The following CPSF6 variants were observed in gnomAD, a reference collection of about 807,000 sequenced individuals.
CPSF6 encodes the protein cleavage and polyadenylation specific factor 6.
Under a neutral mutation model 56.7 loss-of-function variants are expected in CPSF6, and 10 were observed. The observed-to-expected ratio is 0.18, with a 90% CI of 0.11 to 0.30. The LOEUF (loss-of-function observed/expected upper bound fraction) is 0.30. CPSF6 is among the 10% of genes least tolerant of loss of function. The pLI is 1.00. For synonymous variants in CPSF6, 248 were observed against 244.8 expected, an observed-to-expected ratio of 1.01 and a Z score of -0.12; for missense variants, 419 against 722.9, an observed-to-expected ratio of 0.58 and a Z score of 4.82.
rs1255354723 is a variant in CPSF6, at chr12:69,258,339, C to G, written c.695-251C>G. The G allele has an allele frequency of 3.1e-5, 18 of 589,892 alleles. No individual in the cohort carries two copies. The Admixed American group carries it at 5.8e-4, about 19-fold the overall frequency. 36.5% of individuals were successfully genotyped at this position (589,892 alleles called of 1,614,324 possible). On this transcript the variant is annotated intron_variant, in intron 5 of 9. Coordinates refer to ENST00000435070, the MANE Select transcript of CPSF6 (RefSeq NM_007007.3). This position sits in a 1 kb window ranked among gnomAD's most constrained non-coding sequence, Gnocchi z 4.2. ...GTACACGGAAAGATGGAAAATATCT[C>G]TAGGCATTGTAATATTTTTTTATTA...
At chr12:69,251,905 TTAA>T (rs1485340038) in intron 2 of CPSF6, among the ~76,000 whole-genome samples, 1 of 152,224 alleles carries the variant, frequency 6.6e-6, no homozygotes, top group African/African-American at 2.4e-5. Context: ...TTATTTTTTA[TTAA>T]TATTACATCT....
rs1466315905 is a variant in CPSF6 at position 69,257,784 on chromosome 12, C to G, written c.573C>G (p.Gly191=). Residue 191 remains glycine (G), a synonymous_variant, in exon 5 of 10, where the codon GGC becomes GGG. Coordinates refer to ENST00000435070, the MANE Select transcript of CPSF6 (RefSeq NM_007007.3). ...AAGGTAAAGCTGGTCCTCCAGGAGG[C>G]AGTTCCCGTGCAGCATTTCCACAAG... The part of the protein sequence containing the change: ...SGEGKAGPPG[G]SSRAAFPQGG... The G allele has an allele frequency of 6.2e-7, 1 of 1,613,092 alleles. No homozygotes were observed. The highest frequency in any genetic ancestry group is 8.5e-7 in the Non-Finnish European group (1 of 1,179,850).
chr12:69,250,603 A>C (rs867175040), intron 1 of CPSF6, among the ~76,000 whole-genome samples: 1 of 108,332 alleles, frequency 9.2e-6, no homozygotes, highest in Non-Finnish European at 2.0e-5. Context: ...AAAAAAAAAA[A>C]AAAAGAAAAA....
intron 1 of CPSF6, 21 bp from the exon 2 acceptor site, chr12:69,251,108 A>G: frequency 1.2e-6 from 2 of 1,600,398 alleles, no homozygotes; most frequent in Non-Finnish European, 1.7e-6. Flanking sequence ...TATAATCTAG[A>G]GCATTATTTC....
intron 9 of CPSF6, among the ~76,000 whole-genome samples, chr12:69,267,267 C>T (rs1310832432): frequency 6.6e-6 from 1 of 151,932 alleles, no homozygotes; most frequent in Non-Finnish European, 1.5e-5. Flanking sequence ...AAATTTCTAA[C>T]AGAAACAGTT....
intron 3 of CPSF6, among the ~76,000 whole-genome samples, chr12:69,254,624 A>G (rs1872418675): frequency 6.6e-6 from 1 of 152,220 alleles, no homozygotes; most frequent in African/African-American, 2.4e-5. Flanking sequence ...CTAGAATGGT[A>G]CCTTGCGTAT....
At chr12:69,247,091 TGATATTAAAATTGTAAGAGGG>T (rs1871948778) in intron 1 of CPSF6, among the ~76,000 whole-genome samples, 1 of 150,640 alleles carries the variant, frequency 6.6e-6, no homozygotes, top group East Asian at 2.0e-4. Flanking sequence ...CGTATATCTG[TGATATTAAAATTGTAAGAGGG>T]GTAATTAGGG....
Position 69,248,505 on chromosome 12 carries a change from T to A in CPSF6, c.61-2624T>A, listed in dbSNP as rs147967853. ...TAGTATCTTAAGTGCATGGAACTAC[T>A]GCTGCAGCCACACCGCCTGAAGCTT... On this transcript the variant is annotated intron_variant, in intron 1 of 9. Transcript: ENST00000435070. Among the ~76,000 whole-genome samples, 562 of 152,354 alleles carry A rather than the reference T, an allele frequency of 3.7e-3. 8 individuals carry two copies. Among genetic ancestry groups the A allele is most frequent in the African/African-American group, 0.013 (537 of 41,588 alleles).
Position 69,251,279 on chromosome 12 carries a change from A to G in CPSF6, c.211A>G (p.Asn71Asp), listed in dbSNP as rs201287830. 1 of 1,607,064 alleles carries G rather than the reference A, an allele frequency of 6.2e-7. No homozygotes were observed. The highest frequency in any genetic ancestry group is 1.3e-5 in the African/African-American group (1 of 74,766). ...GDDVGKGAAP[N>D]VVYTYTGKRI... ...TGATGTGGGTAAAGGAGCAGCACCA[A>G]ATGTTGTCTATACATATACTGGAAA... Residue 71 changes from asparagine to aspartate, a missense_variant, in exon 2 of 10, where the codon AAT (asparagine) becomes GAT (aspartate). This residue lies in a region of CPSF6 where 125 missense variants were observed against 216.4 expected (regional missense o/e 0.58). Coordinates refer to ENST00000435070, the MANE Select transcript of CPSF6 (RefSeq NM_007007.3).
intron 8 of CPSF6, 134 bp from the exon 9 acceptor site, chr12:69,262,239 C>A: frequency 9.4e-7 from 1 of 1,060,368 alleles, no homozygotes. Flanking sequence ...TCGTTATTGG[C>A]AGCTCAGGAT....
Position 69,251,531 on chromosome 12 carries a change from T to C in CPSF6, c.270+193T>C, listed in dbSNP as rs561029641. ...ATTCGAATTCTTCTAGTTTTGAGTT[T>C]TGTGGTCATTCAACTTTTCTTGGTG... On this transcript the variant is annotated intron_variant, in intron 2 of 9. Coordinates refer to ENST00000435070, the MANE Select transcript of CPSF6 (RefSeq NM_007007.3). 5.6e-4 allele frequency among the ~76,000 whole-genome samples: 85 copies of C among 152,282 alleles called. 1 individual carries two copies. Among genetic ancestry groups the C allele is most frequent in the African/African-American group, 1.9e-3 (81 of 41,566 alleles).
intron 1 of CPSF6, among the ~76,000 whole-genome samples, chr12:69,244,542 A>AT (rs989645202): frequency 2.5e-4 from 37 of 149,400 alleles, no homozygotes; most frequent in South Asian, 1.7e-3. Flanking sequence ...TTTCTATTAA[A>AT]TTTTTTTTTT....
Position 69,272,954 on chromosome 12 carries a change from C to A in CPSF6, c.*3446C>A, listed in dbSNP as rs1873319462. 1.4e-5 allele frequency: 3 copies of A among 210,098 alleles called. No individual in the cohort carries two copies. Among genetic ancestry groups the A allele is most frequent in the Non-Finnish European group, 3.0e-5 (3 of 100,752 alleles). The allele number at this position is 210,098 out of a possible 1,614,324, so 13.0% of individuals were successfully genotyped here. ...ACACTGGTGTATTTATTTTTTTAAG[C>A]AACTTGACTCTTAGAAGCCTTAGAC... On this transcript the variant is annotated 3_prime_UTR_variant, in exon 10 of 10. Coordinates refer to ENST00000435070, the MANE Select transcript of CPSF6 (RefSeq NM_007007.3).
At chr12:69,259,933 T>C in intron 7 of CPSF6, 111 bp from the exon 8 acceptor site, 1 of 1,103,124 alleles carries the variant, frequency 9.1e-7, no homozygotes, top group South Asian at 1.4e-5. Context: ...GCATAGTTAT[T>C]TTATAGCACA....
chr12:69,250,282 T>G (rs1565644585), intron 1 of CPSF6, among the ~76,000 whole-genome samples: 1 of 152,080 alleles, frequency 6.6e-6, no homozygotes, highest in Non-Finnish European at 1.5e-5. Flanking sequence ...CTTTGGATTT[T>G]GGGGTGATTT....
chr12:69,260,630 T>C (rs950961536), intron 8 of CPSF6, among the ~76,000 whole-genome samples: 1 of 152,188 alleles, frequency 6.6e-6, no homozygotes, highest in Non-Finnish European at 1.5e-5. Flanking sequence ...CTTCTTAGGG[T>C]GGGGCTTCTC....
intron 1 of CPSF6, among the ~76,000 whole-genome samples, chr12:69,250,261 A>G (rs1872162790): frequency 6.6e-6 from 1 of 152,078 alleles, no homozygotes; most frequent in African/African-American, 2.4e-5. Context: ...GTCATATTAA[A>G]GATATAATGG....
In CPSF6 at chr12:69,253,069, T is replaced by G. The variant is rs139325535; in HGVS notation, c.289T>G (p.Leu97Val). 47 of 1,581,670 alleles carry G rather than the reference T, an allele frequency of 3.0e-5. No homozygotes were observed. Among genetic ancestry groups the G allele is most frequent in the Non-Finnish European group, 3.9e-5 (46 of 1,165,800 alleles). The change falls in exon 3 of 10, where the codon TTA becomes GTA. Residue 97 changes from leucine (L) to valine (V), a missense_variant. This residue lies in a region of CPSF6 where 125 missense variants were observed against 216.4 expected (regional missense o/e 0.58). Transcript: ENST00000435070. ...CTTGCAGTGGACAACAGATGAAGACTTAACTGAAGCAGTTCATTCTTTGGG... is the reference window on the plus strand; with the variant it reads ...CTTGCAGTGGACAACAGATGAAGACGTAACTGAAGCAGTTCATTCTTTGGG... ...NLTWWTTDED[L>V]TEAVHSLGVN... is the part of the protein sequence containing the mutation.
At chr12:69,251,512 ATTC>A (rs1188497595) in intron 2 of CPSF6, among the ~76,000 whole-genome samples, 174 bp downstream of exon 2, 1 of 151,976 alleles carries the variant, frequency 6.6e-6, no homozygotes, top group Non-Finnish European at 1.5e-5. Context: ...GTTAATTCGA[ATTC>A]TTCTAGTTTT....
Sources: allele counts gnomAD v4.1 joint callset (sites outside exome capture counted in the v4.1 genomes callset), GRCh38; gene constraint gnomAD v4.1.1; regional missense constraint gnomAD v4.1.1; non-coding constraint Gnocchi (gnomAD v3.1); transcripts MANE v1.5; gene names NCBI Gene and HGNC (gene_info 2026-07-23, HGNC 2026-07-21).